Variants in KCTD8 observed in about 807,000 individuals in gnomAD.
KCTD8 encodes the protein potassium channel tetramerization domain containing 8, also known as BTB/POZ domain-containing protein KCTD8.
KCTD8 carries 27 observed loss-of-function variants against 31.5 expected under a neutral mutation model. The ratio of observed to expected loss-of-function variants is 0.86; its 90% CI spans 0.63 to 1.18. The LOEUF (loss-of-function observed/expected upper bound fraction) is 1.18. KCTD8 is among the 50% of genes most tolerant of loss of function. The pLI, the probability that KCTD8 is intolerant of heterozygous loss-of-function variation, is 0.00. For synonymous variants in KCTD8, 290 were observed against 280.0 expected, an observed-to-expected ratio of 1.04 and a Z score of -0.36; for missense variants, 658 against 647.7, an observed-to-expected ratio of 1.02 and a Z score of -0.17.
At chr4:44,404,654 G>T (rs556149667) in intron 1 of KCTD8, among the ~76,000 whole-genome samples, 1 of 152,222 alleles carries the variant, frequency 6.6e-6, no homozygotes, top group East Asian at 1.9e-4. Flanking sequence ...CTATAGAACT[G>T]GCCTGCTTGA....
chr4:44,408,045 G>A (rs952204102), intron 1 of KCTD8, among the ~76,000 whole-genome samples: 2 of 152,086 alleles, frequency 1.3e-5, no homozygotes, highest in Non-Finnish European at 1.5e-5. Context: ...AAAGAATATA[G>A]TAGATTGGGG....
At chr4:44,202,090 TAC>T (rs1449378744) in intron 1 of KCTD8, among the ~76,000 whole-genome samples, 1 of 152,030 alleles carries the variant, frequency 6.6e-6, no homozygotes, top group Admixed American at 6.6e-5. Context: ...CACAATGAGA[TAC>T]AGTCTTATAT....
intron 1 of KCTD8, among the ~76,000 whole-genome samples, chr4:44,194,278 G>A (rs952351479): frequency 6.6e-6 from 1 of 152,076 alleles, no homozygotes; most frequent in Non-Finnish European, 1.5e-5. Context: ...GTGCACTTTA[G>A]TCTAAACCTG....
At chr4:44,208,576 T>C (rs955889807) in intron 1 of KCTD8, among the ~76,000 whole-genome samples, 4 of 152,164 alleles carry the variant, frequency 2.6e-5, no homozygotes, top group African/African-American at 9.7e-5. Flanking sequence ...TATGCTCCAA[T>C]AGTACAATGT....
chr4:44,319,665 G>GA (rs1718237125), intron 1 of KCTD8, among the ~76,000 whole-genome samples: 1 of 151,964 alleles, frequency 6.6e-6, no homozygotes, highest in Non-Finnish European at 1.5e-5. Context: ...TCAGAGATGA[G>GA]AAAATCTCAG....
intron 1 of KCTD8, among the ~76,000 whole-genome samples, chr4:44,347,549 A>G (rs957631819): frequency 2.0e-5 from 3 of 152,196 alleles, no homozygotes; most frequent in African/African-American, 7.2e-5. Context: ...TTAGTTCCAC[A>G]TTGTTTAGTG....
chr4:44,352,458 G>A (rs4443319), intron 1 of KCTD8, among the ~76,000 whole-genome samples: 1 of 148,496 alleles, frequency 6.7e-6, no homozygotes, highest in Non-Finnish European at 1.5e-5. Context: ...AATGGAAATA[G>A]TAAAAAGAGA....
At chr4:44,445,059 C>T (rs766532152) in intron 1 of KCTD8, among the ~76,000 whole-genome samples, 2 of 152,002 alleles carry the variant, frequency 1.3e-5, no homozygotes, top group African/African-American at 4.8e-5. Context: ...TGAGTAACAC[C>T]GATAATCTTT....
intron 1 of KCTD8, among the ~76,000 whole-genome samples, chr4:44,367,258 C>T (rs1238756966): frequency 1.3e-5 from 2 of 152,154 alleles, no homozygotes; most frequent in African/African-American, 4.8e-5. Context: ...ATATGATAAG[C>T]CGCAAGAGTA....
At chr4:44,181,866 C>T (rs1416936825) in intron 1 of KCTD8, among the ~76,000 whole-genome samples, 3 of 152,074 alleles carry the variant, frequency 2.0e-5, no homozygotes, top group Non-Finnish European at 4.4e-5. Flanking sequence ...GCCGCGACCC[C>T]GTCTGGGATG....
At chr4:44,333,060 T>A (rs1262524394) in intron 1 of KCTD8, among the ~76,000 whole-genome samples, 1 of 152,108 alleles carries the variant, frequency 6.6e-6, no homozygotes, top group Admixed American at 6.6e-5. Context: ...ATAATGATTG[T>A]AGAGTCTGTC....
chr4:44,384,424 T>C (rs532525572), intron 1 of KCTD8, among the ~76,000 whole-genome samples: 12 of 152,012 alleles, frequency 7.9e-5, no homozygotes, highest in African/African-American at 2.6e-4. Context: ...TAAATGCTTT[T>C]TAAAAATGTG....
chr4:44,441,822 T>A (rs1052680905), intron 1 of KCTD8, among the ~76,000 whole-genome samples: 6 of 152,234 alleles, frequency 3.9e-5, no homozygotes. Flanking sequence ...TGATAGTAAA[T>A]TTTTTAACAG....
At chr4:44,347,453 T>C (rs1211293468) in intron 1 of KCTD8, among the ~76,000 whole-genome samples, 1 of 152,206 alleles carries the variant, frequency 6.6e-6, no homozygotes, top group Non-Finnish European at 1.5e-5. Context: ...CAATGGCTAC[T>C]GGTCAGTGGG....
At chr4:44,378,232 T>C (rs1719966770) in intron 1 of KCTD8, among the ~76,000 whole-genome samples, 1 of 117,954 alleles carries the variant, frequency 8.5e-6, no homozygotes, top group Non-Finnish European at 1.7e-5. Context: ...TATATATATA[T>C]GTATAAATAT....
At chr4:44,317,218 T>A (rs1175564359) in intron 1 of KCTD8, among the ~76,000 whole-genome samples, 1 of 118,062 alleles carries the variant, frequency 8.5e-6, no homozygotes, top group Admixed American at 1.0e-4. Flanking sequence ...GTATTGCCTA[T>A]GGGTGCTTTC....
intron 1 of KCTD8, among the ~76,000 whole-genome samples, chr4:44,266,328 C>A (rs55996889): frequency 4.5e-4 from 68 of 152,080 alleles, no homozygotes; most frequent in Middle Eastern, 3.4e-3. Context: ...AAATACTTTA[C>A]AGACAAGCAA....
chr4:44,308,754 C>T (rs1717874274), intron 1 of KCTD8, among the ~76,000 whole-genome samples: 1 of 151,806 alleles, frequency 6.6e-6, no homozygotes, highest in Non-Finnish European at 1.5e-5. Context: ...AAGTAATATA[C>T]TAATCAATAA....
intron 1 of KCTD8, among the ~76,000 whole-genome samples, chr4:44,408,057 A>G (rs995080123): frequency 6.6e-6 from 1 of 152,180 alleles, no homozygotes; most frequent in Non-Finnish European, 1.5e-5. Context: ...AGATTGGGGA[A>G]CTATATATCC....
Sources: allele counts gnomAD v4.1 joint callset (sites outside exome capture counted in the v4.1 genomes callset), GRCh38; gene constraint gnomAD v4.1.1; transcripts MANE v1.5; gene names NCBI Gene and HGNC (gene_info 2026-07-23, HGNC 2026-07-21).